Variants in POU6F2 observed in about 807,000 individuals in gnomAD.
The protein encoded by POU6F2 is POU class 6 homeobox 2.
In POU6F2, 31 loss-of-function variants were observed where a neutral mutation model predicts 71.3. The observed-to-expected ratio is 0.43, with a 90% confidence interval of 0.33 to 0.59. The LOEUF is 0.59. Among genes scored for constraint, POU6F2 ranks in the 20% least tolerant of loss-of-function variants. The pLI is 0.04. For synonymous variants in POU6F2, 347 were observed against 355.7 expected, an observed-to-expected ratio of 0.98 and a Z score of 0.27; for missense variants, 783 against 856.8, an observed-to-expected ratio of 0.91 and a Z score of 1.07.
At chr7:39,065,792 T>C (rs1790742639) in intron 1 of POU6F2, among the ~76,000 whole-genome samples, 1 of 151,392 alleles carries the variant, frequency 6.6e-6, no homozygotes, top group African/African-American at 2.4e-5. Context: ...TATTTAAAAA[T>C]CCCTCCAAGA....
chr7:39,340,203 G>A (rs776075560), intron 5 of POU6F2, among the ~76,000 whole-genome samples, 188 bp downstream of exon 5: 2 of 152,152 alleles, frequency 1.3e-5, no homozygotes, highest in Non-Finnish European at 2.9e-5. Flanking sequence ...GCATGTAAAC[G>A]AAACAAATAG....
intron 2 of POU6F2, among the ~76,000 whole-genome samples, chr7:39,147,393 T>TATTTACTTGTAG (rs1430180727): frequency 6.6e-6 from 1 of 152,164 alleles, no homozygotes; most frequent in Non-Finnish European, 1.5e-5. Context: ...AGGAGACGTG[T>TATTTACTTGTAG]GAGCTGTTTG....
chr7:39,127,356 T>C lies in POU6F2; in HGVS notation c.277+41325T>C, dbSNP rs1160521992. ...AATGATGAAGAGGATCTTGGTAGTA[T>C]CTTGGCTTAGGTAGGGAATATTTAT... On this transcript the variant is annotated intron_variant, in intron 2 of 9. Coordinates refer to ENST00000518318, the MANE Select transcript of POU6F2 (RefSeq NM_001370959.1). 2.6e-5 allele frequency among the ~76,000 whole-genome samples: 4 copies of C among 152,204 alleles called. No homozygotes were observed. The East Asian group carries it at 7.7e-4, about 29-fold the overall frequency.
At chr7:39,373,041 C>T (rs1226042504) in intron 5 of POU6F2, among the ~76,000 whole-genome samples, 1 of 152,174 alleles carries the variant, frequency 6.6e-6, no homozygotes, top group South Asian at 2.1e-4. Flanking sequence ...CATTTAGTAG[C>T]TGTGTGATCT....
intron 5 of POU6F2, among the ~76,000 whole-genome samples, chr7:39,342,317 G>A (rs1005616889): frequency 6.6e-6 from 1 of 152,138 alleles, no homozygotes; most frequent in African/African-American, 2.4e-5. Flanking sequence ...TGAGTTTGTG[G>A]AACATGGAAT....
intron 2 of POU6F2, among the ~76,000 whole-genome samples, chr7:39,180,572 A>G (rs1793416213): frequency 1.3e-5 from 2 of 152,106 alleles, no homozygotes; most frequent in Non-Finnish European, 2.9e-5. Flanking sequence ...ATTGTATGGG[A>G]AACTCCAGCC....
In POU6F2 at chr7:39,412,781, T is replaced by A. The variant is rs1583582635; in HGVS notation, c.1113+6041T>A. On this transcript the variant is annotated intron_variant, in intron 6 of 9. Coordinates refer to ENST00000518318, the MANE Select transcript of POU6F2 (RefSeq NM_001370959.1). ...GTATTAGCTTCAGTTTTCTTGCCTT[T>A]TTTTTTTTTTTTTTTTTTTTTTTTT... Among the ~76,000 whole-genome samples, 5 of 38,966 alleles carry A rather than the reference T, an allele frequency of 1.3e-4. No individual in the cohort carries two copies. In the South Asian group the frequency reaches 5.0e-3, roughly 39 times the overall value. 25.6% of individuals were successfully genotyped at this position (38,966 alleles called of 152,430 possible).
chr7:39,204,302 C>A lies in POU6F2; in HGVS notation c.345C>A (p.His115Gln). Reference sequence around the variant, plus strand: ...ACCAACACCAGGCCAGTCAGACCCACCCCCCATTTCCAGTTGGGCCACAGG... The same window carrying A: ...ACCAACACCAGGCCAGTCAGACCCAACCCCCATTTCCAGTTGGGCCACAGG... ...TPDQHQASQTHPPFPVGPQPL... is the reference protein window; with the variant it reads ...TPDQHQASQTQPPFPVGPQPL... The change falls in exon 3 of 10, where the codon CAC becomes CAA. Residue 115 changes from histidine (H) to glutamine (Q), a missense_variant. His to Gln is a conservative substitution (Grantham distance 24). Transcript: ENST00000518318. 6.2e-7 allele frequency: 1 copy of A among 1,613,280 alleles called. No homozygotes were observed. The highest frequency in any genetic ancestry group is 2.2e-5 in the East Asian group (1 of 44,862).
chr7:39,087,367 C>T (rs1791275704), intron 2 of POU6F2, among the ~76,000 whole-genome samples: 2 of 151,888 alleles, frequency 1.3e-5, no homozygotes, highest in Admixed American at 1.3e-4. Context: ...CTGTTTTATG[C>T]TTAACAATAT....
chr7:39,015,996 A>ATTG lies in POU6F2; in HGVS notation c.105+37939_105+37940insTGT, dbSNP rs1789515917. ...TATTATATATAGATATATATAATAT[A>ATTG]TAGATATATATTATATATTATATAT... is the stretch of plus-strand genomic sequence containing the variant. On this transcript the variant is annotated intron_variant, in intron 1 of 9. Coordinates refer to ENST00000518318, the MANE Select transcript of POU6F2 (RefSeq NM_001370959.1). Among the ~76,000 whole-genome samples the ATTG allele has an allele frequency of 2.0e-4, 8 of 39,866 alleles. 1 individual carries two copies. Among genetic ancestry groups the ATTG allele is most frequent in the South Asian group, 9.0e-4 (1 of 1,114 alleles). 26.2% of individuals were successfully genotyped at this position (39,866 alleles called of 152,430 possible). A position where few individuals can be genotyped will look rare whatever the true frequency, so the allele number is the denominator to read the frequency against.
chr7:39,333,636 G>A (rs1356747293), intron 4 of POU6F2, among the ~76,000 whole-genome samples: 2 of 152,178 alleles, frequency 1.3e-5, no homozygotes, highest in Non-Finnish European at 2.9e-5. Flanking sequence ...TACTCGGGAG[G>A]CTGAGGCAGG....
intron 1 of POU6F2, among the ~76,000 whole-genome samples, chr7:39,066,393 C>A (rs1288655546): frequency 6.6e-6 from 1 of 151,492 alleles, no homozygotes; most frequent in East Asian, 1.9e-4. Flanking sequence ...TATGAAATAG[C>A]CATAAATAGT....
chr7:39,207,431 G>C lies in POU6F2; in HGVS notation c.409G>C (p.Gly137Arg). The change falls in exon 4 of 10, where the codon GGC (glycine) becomes CGC (arginine). Residue 137 changes from glycine (G) to arginine (R), a missense_variant. By Grantham distance (125) the Gly-to-Arg change is moderately radical (BLOSUM62 -2). Around this residue, in one of 2 missense-constraint regions of POU6F2, gnomAD observed 572 missense variants for 572.9 expected, o/e 1.00. Transcript: ENST00000518318. ...ACAGCAGTTAGCTTCTGCTGTGGCC[G>C]GCGTGATGCCGGGAGGCCCCCCAGC... ...TAQQLASAVA[G>R]VMPGGPPALN... 1 of 1,613,904 alleles carries C rather than the reference G, an allele frequency of 6.2e-7. No individual in the cohort carries two copies. Among genetic ancestry groups the C allele is most frequent in the Non-Finnish European group, 8.5e-7 (1 of 1,179,856 alleles).
intron 5 of POU6F2, among the ~76,000 whole-genome samples, chr7:39,351,100 G>A (rs921837526): frequency 3.3e-5 from 5 of 152,252 alleles, no homozygotes; most frequent in Admixed American, 6.5e-5. Flanking sequence ...AGGAGACTCC[G>A]TGTGTGCAGC....
chr7:39,245,472 G>C (rs1783804372), intron 4 of POU6F2, among the ~76,000 whole-genome samples: 2 of 152,150 alleles, frequency 1.3e-5, no homozygotes, highest in Admixed American at 1.3e-4. Flanking sequence ...TGTCTTGATA[G>C]CAATATCTAC....
chr7:39,358,972 T>C (rs1372539856), intron 5 of POU6F2, among the ~76,000 whole-genome samples: 2 of 152,240 alleles, frequency 1.3e-5, no homozygotes, highest in Non-Finnish European at 2.9e-5. Flanking sequence ...AATGTCTTCT[T>C]GGCAGCATGT....
At chr7:39,422,477 C>T (rs1787872947) in intron 6 of POU6F2, among the ~76,000 whole-genome samples, 1 of 152,142 alleles carries the variant, frequency 6.6e-6, no homozygotes, top group Non-Finnish European at 1.5e-5. Flanking sequence ...TGTCCACTCA[C>T]TTTTATTCAA....
chr7:39,059,411 G>C (rs769015933), intron 1 of POU6F2, among the ~76,000 whole-genome samples: 1 of 151,504 alleles, frequency 6.6e-6, no homozygotes, highest in East Asian at 1.9e-4. Flanking sequence ...GTGAGTGACC[G>C]GATCTCATTC....
In POU6F2 at chr7:39,468,146, T is replaced by C. The variant is rs2116194328; in HGVS notation, c.*3460T>C. On this transcript the variant is annotated 3_prime_UTR_variant, in exon 10 of 10. Transcript: ENST00000518318. ...GTCATGTGATTTGCTTGTCTTCAAC[T>C]TGAAATTATGTGAGGCACATTTGTT... 1 of 152,274 alleles carries C rather than the reference T, an allele frequency of 6.6e-6. No homozygotes were observed. The highest frequency in any genetic ancestry group is 1.9e-4 in the East Asian group (1 of 5,184). 9.4% of individuals were successfully genotyped at this position (152,274 alleles called of 1,614,324 possible).
Sources: gnomAD v4.1 joint callset for allele counts (sites outside exome capture counted in the v4.1 genomes callset) on GRCh38, gnomAD v4.1.1 for gene constraint, gnomAD v4.1.1 regional missense constraint, MANE v1.5 for transcripts, NCBI Gene and HGNC (gene_info 2026-07-23, HGNC 2026-07-21) for gene names.